The following IL1RAPL2 variants were observed in gnomAD, a reference collection of about 807,000 sequenced individuals.
IL1RAPL2 encodes the protein X-linked interleukin-1 receptor accessory protein-like 2.
In IL1RAPL2, 3 loss-of-function variants were observed where a neutral mutation model predicts 44.1. The ratio of observed to expected loss-of-function variants is 0.07; its 90% CI spans 0.03 to 0.18. IL1RAPL2 has a LOEUF of 0.18. IL1RAPL2 is among the 10% of genes least tolerant of loss of function. IL1RAPL2 has a pLI of 1.00. For synonymous variants in IL1RAPL2, 181 were observed against 178.8 expected (o/e 1.01, Z -0.10); for missense variants, 391 against 496.4 (o/e 0.79, Z 2.02).
At chrX:104,799,582 G>C (rs1365527018) in intron 2 of IL1RAPL2, among the ~76,000 whole-genome samples, 2 of 111,863 alleles carry the variant, frequency 1.8e-5, no homozygotes, top group Non-Finnish European at 3.8e-5. Context: ...TTAGAAACTG[G>C]TTTTCTCTTG....
chrX:104,857,804 G>A (rs1415844339), intron 2 of IL1RAPL2, among the ~76,000 whole-genome samples: 1 of 110,668 alleles, frequency 9.0e-6, no homozygotes, highest in Non-Finnish European at 1.9e-5. Flanking sequence ...CTGCCATATG[G>A]AATGTCATTG....
intron 2 of IL1RAPL2, among the ~76,000 whole-genome samples, chrX:104,831,352 A>G (rs1397868174): frequency 2.7e-5 from 3 of 111,994 alleles, no homozygotes; most frequent in Non-Finnish European, 5.6e-5. Flanking sequence ...GAGTGCTAAT[A>G]ATTTGTCAGA....
intron 2 of IL1RAPL2, among the ~76,000 whole-genome samples, chrX:105,060,720 C>T (rs1487173546): frequency 2.8e-5 from 3 of 107,328 alleles, no homozygotes; most frequent in Non-Finnish European, 5.8e-5. Context: ...ATATTATTTC[C>T]TCTTAAATGT....
At chrX:104,893,602 A>G (rs1206334873) in intron 2 of IL1RAPL2, among the ~76,000 whole-genome samples, 1 of 111,263 alleles carries the variant, frequency 9.0e-6, no homozygotes, top group Non-Finnish European at 1.9e-5. Context: ...AGAGACTAGG[A>G]TTGCAACCCC....
intron 6 of IL1RAPL2, among the ~76,000 whole-genome samples, chrX:105,534,207 C>T (rs2036661474): frequency 9.0e-6 from 1 of 111,577 alleles, no homozygotes; most frequent in Non-Finnish European, 1.9e-5. Flanking sequence ...ATTTTGCAAG[C>T]TGGTTGTTAT....
chrX:105,131,275 A>C (rs1209940200), intron 2 of IL1RAPL2, among the ~76,000 whole-genome samples: 1 of 110,537 alleles, frequency 9.0e-6, no homozygotes, highest in Non-Finnish European at 1.9e-5. Flanking sequence ...AGGACTCTAC[A>C]TCGGGGTTAG....
At chrX:105,181,936 G>A (rs1163611071) in intron 2 of IL1RAPL2, among the ~76,000 whole-genome samples, 5 of 108,794 alleles carry the variant, frequency 4.6e-5, no homozygotes, top group East Asian at 2.9e-4. Flanking sequence ...GTGTGGTAGC[G>A]GGCGCCTGTA....
At chrX:105,332,968 C>T (rs1482224550) in intron 5 of IL1RAPL2, among the ~76,000 whole-genome samples, 2 of 111,181 alleles carry the variant, frequency 1.8e-5, no homozygotes, top group Non-Finnish European at 1.9e-5. Flanking sequence ...TCAATGTAAT[C>T]CTATCAAAAT....
chrX:104,994,931 C>G (rs2030722558), intron 2 of IL1RAPL2, among the ~76,000 whole-genome samples: 1 of 110,284 alleles, frequency 9.1e-6, no homozygotes, highest in Non-Finnish European at 1.9e-5. Flanking sequence ...ATGTACAAGA[C>G]CTGGGTATTT....
chrX:104,752,847 G>T (rs1057000134), intron 2 of IL1RAPL2, among the ~76,000 whole-genome samples: 1 of 109,793 alleles, frequency 9.1e-6, no homozygotes, highest in Non-Finnish European at 1.9e-5. Context: ...CTTTTTTTGT[G>T]GGGGGAATGC....
chrX:104,675,314 G>A (rs1291947314), intron 2 of IL1RAPL2, among the ~76,000 whole-genome samples: 1 of 111,494 alleles, frequency 9.0e-6, no homozygotes, highest in African/African-American at 3.3e-5. Context: ...GTTCTCATTG[G>A]TTTCAAAGAA....
chrX:104,821,945 C>T (rs996791433), intron 2 of IL1RAPL2, among the ~76,000 whole-genome samples: 24 of 112,114 alleles, frequency 2.1e-4, no homozygotes, highest in Admixed American at 1.3e-3. Context: ...TTCTATCTCG[C>T]GTGAGATGGT....
chrX:104,659,760 T>C (rs759029060), intron 2 of IL1RAPL2, among the ~76,000 whole-genome samples: 1 of 112,316 alleles, frequency 8.9e-6, no homozygotes, highest in South Asian at 3.7e-4. Context: ...GTGTTGAGAC[T>C]TTCTACTGGC....
At chrX:104,905,435 A>T (rs1293400966) in intron 2 of IL1RAPL2, among the ~76,000 whole-genome samples, 6 of 111,629 alleles carry the variant, frequency 5.4e-5, no homozygotes, top group Admixed American at 1.9e-4. Context: ...TTATGGTTTT[A>T]GGTCTAACAT....
intron 2 of IL1RAPL2, among the ~76,000 whole-genome samples, chrX:105,011,373 T>C (rs1255839281): frequency 9.0e-6 from 1 of 111,314 alleles, no homozygotes; most frequent in Non-Finnish European, 1.9e-5. Flanking sequence ...ACAAAATTTA[T>C]TGAGGCATAA....
chrX:104,688,831 T>A (rs1041095661), intron 2 of IL1RAPL2, among the ~76,000 whole-genome samples: 15 of 112,477 alleles, frequency 1.3e-4, no homozygotes, highest in Non-Finnish European at 2.4e-4. Flanking sequence ...TTAACTTTTT[T>A]AATATTTAAA....
chrX:104,854,899 CAGA>C (rs780315190), intron 2 of IL1RAPL2, among the ~76,000 whole-genome samples: 1 of 111,415 alleles, frequency 9.0e-6, no homozygotes, highest in Admixed American at 9.5e-5. Flanking sequence ...CGTGGTTTAC[CAGA>C]AGAAGAGAAC....
Position 105,115,259 on chromosome X carries a change from CAGTG to C in IL1RAPL2, c.83-80213_83-80210del, listed in dbSNP as rs774139901. ...CTCATAAAGGCAGTGTGGACCCAAA[CAGTG>C]AGCAGTAGCAAGATTCATTGAAAAG... On this transcript the variant is annotated intron_variant, in intron 2 of 10. Coordinates refer to ENST00000372582, the MANE Select transcript of IL1RAPL2 (RefSeq NM_017416.2). 4.5e-5 allele frequency among the ~76,000 whole-genome samples: 5 copies of C among 111,384 alleles called. No individual in the cohort carries two copies. In the South Asian group the frequency reaches 1.9e-3, roughly 42 times the overall value.
chrX:104,638,856 G>T (rs958785217), intron 1 of IL1RAPL2, among the ~76,000 whole-genome samples: 2 of 112,301 alleles, frequency 1.8e-5, no homozygotes, highest in Non-Finnish European at 3.8e-5. Context: ...AGAATGTTCT[G>T]TAAATGTATA....
Sources: allele counts gnomAD v4.1 joint callset (sites outside exome capture counted in the v4.1 genomes callset), GRCh38; gene constraint gnomAD v4.1.1; transcripts MANE v1.5; gene names NCBI Gene and HGNC (gene_info 2026-07-23, HGNC 2026-07-21).